The following CCDC60 variants were observed in gnomAD, a reference collection of about 807,000 sequenced individuals.
CCDC60 encodes the protein coiled-coil domain-containing protein 60.
CCDC60 carries 54 observed loss-of-function variants against 63.5 expected under a neutral mutation model. The ratio of observed to expected loss-of-function variants is 0.85; its 90% confidence interval spans 0.68 to 1.07. The LOEUF is 1.07. Among genes scored for constraint, CCDC60 ranks in the 50% least tolerant of loss-of-function variants. The probability of loss-of-function intolerance (pLI) is 0.00; values close to 1 mark genes in which losing one functional copy is unlikely to be tolerated. For missense variants in CCDC60, 651 were observed against 684.3 expected (o/e 0.95, Z 0.54); for synonymous variants, 206 against 238.8 (o/e 0.86, Z 1.27).
At chr12:119,479,328 G>C in intron 4 of CCDC60, 127 bp downstream of exon 4, 1 of 642,410 alleles carries the variant, frequency 1.6e-6, no homozygotes, top group Non-Finnish European at 2.7e-6. Flanking sequence ...ATGGAGCCTG[G>C]AGCTGGCAAA....
At chr12:119,383,892 G>A (rs984462530) in intron 1 of CCDC60, among the ~76,000 whole-genome samples, 3 of 152,164 alleles carry the variant, frequency 2.0e-5, no homozygotes, top group East Asian at 3.9e-4. Flanking sequence ...TCTCTGCCTA[G>A]CCACTTTAAA....
chr12:119,488,945 C>T, intron 5 of CCDC60, 79 bp downstream of exon 5: 3 of 1,179,218 alleles, frequency 2.5e-6, no homozygotes, highest in Non-Finnish European at 1.3e-6. Flanking sequence ...TGTTCTTCCA[C>T]TCCCTTTGCT....
intron 2 of CCDC60, among the ~76,000 whole-genome samples, chr12:119,436,374 G>A (rs1950325113): frequency 6.6e-6 from 1 of 152,090 alleles, no homozygotes; most frequent in South Asian, 2.1e-4. Context: ...AGAAAGGGAT[G>A]CCAGAGGGTC....
chr12:119,419,717 G>A (rs1257580804), intron 1 of CCDC60, among the ~76,000 whole-genome samples: 1 of 151,898 alleles, frequency 6.6e-6, no homozygotes, highest in East Asian at 1.9e-4. Context: ...CTTCCCAGAG[G>A]ACTCCTGCTG....
intron 7 of CCDC60, 122 bp downstream of exon 7, chr12:119,505,425 C>G (rs751861458): frequency 1.5e-6 from 1 of 648,440 alleles, no homozygotes; most frequent in Non-Finnish European, 2.7e-6. Flanking sequence ...GATCCCGCAT[C>G]CTTGTTCAAT....
chr12:119,539,654 G>A (rs1953101634), intron 13 of CCDC60, among the ~76,000 whole-genome samples: 1 of 152,242 alleles, frequency 6.6e-6, no homozygotes, highest in Admixed American at 6.5e-5. Flanking sequence ...TAGACCACTT[G>A]GCTCCCTGGC....
At chr12:119,381,146 C>G (rs1299142250) in intron 1 of CCDC60, among the ~76,000 whole-genome samples, 1 of 152,188 alleles carries the variant, frequency 6.6e-6, no homozygotes, top group Admixed American at 6.5e-5. Flanking sequence ...TGAAACACTT[C>G]ATTTGAATTA....
chr12:119,364,805 G>A (rs1405626072), intron 1 of CCDC60, among the ~76,000 whole-genome samples: 1 of 152,224 alleles, frequency 6.6e-6, no homozygotes, highest in East Asian at 1.9e-4. Context: ...TTGCAGAAAG[G>A]CAAGCACAGG....
At chr12:119,415,897 C>A (rs941212283) in intron 1 of CCDC60, among the ~76,000 whole-genome samples, 1 of 152,178 alleles carries the variant, frequency 6.6e-6, no homozygotes, top group African/African-American at 2.4e-5. Flanking sequence ...CAAAAGCCAG[C>A]TGCAGGCTGT....
At chr12:119,470,881 G>A (rs11064809) in intron 2 of CCDC60, among the ~76,000 whole-genome samples, 3,432 of 152,180 alleles carry the variant, frequency 0.023, 62 homozygotes, top group Non-Finnish European at 0.034. Flanking sequence ...GGGACCCAAT[G>A]TCTTGTTCAT....
intron 7 of CCDC60, among the ~76,000 whole-genome samples, chr12:119,509,888 A>G (rs1336573983): frequency 6.6e-6 from 1 of 152,222 alleles, no homozygotes; most frequent in Admixed American, 6.5e-5. Flanking sequence ...CCCTCAAGTC[A>G]GACTTGATTG....
chr12:119,527,416 A>G (rs1952707215), intron 11 of CCDC60, among the ~76,000 whole-genome samples: 1 of 152,246 alleles, frequency 6.6e-6, no homozygotes, highest in African/African-American at 2.4e-5. Flanking sequence ...AATCTAAAAC[A>G]AATTTTTAAA....
intron 1 of CCDC60, among the ~76,000 whole-genome samples, chr12:119,387,001 C>T (rs997254087): frequency 2.7e-5 from 4 of 147,832 alleles, no homozygotes; most frequent in African/African-American, 7.5e-5. Flanking sequence ...TCAACTCTCT[C>T]TCTCTCTCTC....
At chr12:119,433,975 G>C (rs1042790158) in intron 2 of CCDC60, among the ~76,000 whole-genome samples, 2 of 152,152 alleles carry the variant, frequency 1.3e-5, no homozygotes, top group East Asian at 3.9e-4. Context: ...GTGCGATGAC[G>C]TACCTTCCTG....
intron 3 of CCDC60, among the ~76,000 whole-genome samples, chr12:119,477,818 T>A (rs1368774370): frequency 6.6e-6 from 1 of 152,130 alleles, no homozygotes; most frequent in African/African-American, 2.4e-5. Context: ...GCCAGAGCTT[T>A]CAATTTTTTG....
intron 11 of CCDC60, among the ~76,000 whole-genome samples, chr12:119,525,917 T>A (rs948998035): frequency 6.6e-6 from 1 of 152,118 alleles, no homozygotes; most frequent in African/African-American, 2.4e-5. Context: ...AAAAATATTT[T>A]AAAAATTATA....
intron 2 of CCDC60, among the ~76,000 whole-genome samples, chr12:119,468,197 C>T (rs1201372335): frequency 6.6e-6 from 1 of 152,126 alleles, no homozygotes; most frequent in Non-Finnish European, 1.5e-5. Context: ...GAGGCTGAGG[C>T]AGGAGAATTG....
chr12:119,353,357 AG>A (rs1228860353), intron 1 of CCDC60, among the ~76,000 whole-genome samples: 17 of 152,150 alleles, frequency 1.1e-4, no homozygotes, highest in African/African-American at 4.1e-4. Context: ...ACAGATCCAA[AG>A]GAAATCAAAT....
In CCDC60 at chr12:119,389,790, A is replaced by C. The variant is rs1212550422; in HGVS notation, c.91-38893A>C. 2.0e-5 allele frequency among the ~76,000 whole-genome samples: 3 copies of C among 150,382 alleles called. No individual in the cohort carries two copies. In the East Asian group the frequency reaches 5.8e-4, roughly 29 times the overall value. On this transcript the variant is annotated intron_variant, in intron 1 of 13. Coordinates refer to ENST00000327554, the MANE Select transcript of CCDC60 (RefSeq NM_178499.5). ...AATCACCACCAACACACAGGCATGC[A>C]CACACACACACATACACAGAGCAAG...
Sources: allele counts gnomAD v4.1 joint callset (sites outside exome capture counted in the v4.1 genomes callset), GRCh38; gene constraint gnomAD v4.1.1; transcripts MANE v1.5; gene names NCBI Gene and HGNC (gene_info 2026-07-23, HGNC 2026-07-21).